Variants in CCDC178 observed in about 807,000 individuals in gnomAD.
The protein encoded by CCDC178 is coiled-coil domain-containing protein 178.
CCDC178 carries 126 observed loss-of-function variants against 117.4 expected under a neutral mutation model. That is an observed-to-expected ratio of 1.07 (90% confidence interval 0.93 to 1.24). CCDC178 has a LOEUF of 1.24. Ranked by LOEUF, CCDC178 falls within the 50% of genes most tolerant of loss-of-function variation. The pLI is 0.00. For missense variants in CCDC178, 1,030 were observed against 986.9 expected (o/e 1.04, Z -0.59); for synonymous variants, 283 against 313.4 (o/e 0.90, Z 1.02).
chr18:32,952,499 A>G (rs1201231336), intron 22 of CCDC178, among the ~76,000 whole-genome samples: 1 of 152,138 alleles, frequency 6.6e-6, no homozygotes, highest in African/African-American at 2.4e-5. Context: ...CAGGTGGGCA[A>G]CAGGACACCA....
At chr18:32,944,601 C>T (rs574596071) in intron 22 of CCDC178, among the ~76,000 whole-genome samples, 9 of 152,110 alleles carry the variant, frequency 5.9e-5, no homozygotes, top group Non-Finnish European at 2.9e-5. Context: ...ACAGCTCTTG[C>T]GTAGGCACCA....
At chr18:33,378,190 T>C (rs10853427) in intron 5 of CCDC178, among the ~76,000 whole-genome samples, 138,846 of 152,172 alleles carry the variant, frequency 0.91, 64,702 homozygotes, top group East Asian at 1. Context: ...TTAGATACTT[T>C]ATTATTTTGT....
At chr18:32,983,277 G>A in intron 21 of CCDC178, 1 of 1,505,690 alleles carries the variant, frequency 6.6e-7, no homozygotes, top group Non-Finnish European at 8.9e-7. Context: ...TTCATCACAG[G>A]TACCTGAAAA....
intron 2 of CCDC178, among the ~76,000 whole-genome samples, chr18:33,427,215 C>T (rs2144954739): frequency 6.6e-6 from 1 of 151,920 alleles, no homozygotes; most frequent in East Asian, 1.9e-4. Flanking sequence ...GACAGAAATG[C>T]CAAAAATGTA....
rs138366356 is a variant in CCDC178 at position 33,080,320 on chromosome 18, G to A, written c.2388+12441C>T. ...GAGAGGAACAGAAAATAGGTACTATGTTTAGTACCGGTGTGACAAAATAAT... is the reference window on the plus strand; with the variant it reads ...GAGAGGAACAGAAAATAGGTACTATATTTAGTACCGGTGTGACAAAATAAT... On this transcript the variant is annotated intron_variant, in intron 21 of 22. Coordinates refer to ENST00000383096, the MANE Select transcript of CCDC178 (RefSeq NM_001105528.4). Among the ~76,000 whole-genome samples the A allele has an allele frequency of 2.4e-3, 364 of 152,240 alleles. 2 individuals are homozygous for A. Among genetic ancestry groups the A allele is most frequent in the Middle Eastern group, 0.017 (5 of 294 alleles).
chr18:33,223,672 A>AT (rs900054080), intron 17 of CCDC178, among the ~76,000 whole-genome samples: 1 of 152,154 alleles, frequency 6.6e-6, no homozygotes, highest in Admixed American at 6.6e-5. Context: ...ATGTAAAACC[A>AT]TGGCTGTTAT....
chr18:33,252,899 T>C (rs1264686338), intron 14 of CCDC178, among the ~76,000 whole-genome samples: 1 of 151,808 alleles, frequency 6.6e-6, no homozygotes, highest in Non-Finnish European at 1.5e-5. Context: ...AGAGCTTGAA[T>C]GTAAGAAAAT....
chr18:32,961,022 T>A (rs192887071), intron 22 of CCDC178, among the ~76,000 whole-genome samples: 4 of 152,228 alleles, frequency 2.6e-5, no homozygotes, highest in Admixed American at 1.3e-4. Context: ...GGTCTATATT[T>A]GGAAATTTTA....
intron 6 of CCDC178, among the ~76,000 whole-genome samples, chr18:33,357,304 T>G (rs1028529783): frequency 6.6e-6 from 1 of 152,108 alleles, no homozygotes; most frequent in Non-Finnish European, 1.5e-5. Flanking sequence ...ACCTCTAAAT[T>G]GATTAAGACC....
intron 10 of CCDC178, among the ~76,000 whole-genome samples, chr18:33,329,674 T>C (rs1439639799): frequency 6.6e-6 from 1 of 152,174 alleles, no homozygotes; most frequent in African/African-American, 2.4e-5. Flanking sequence ...CTTTTTAATA[T>C]GCTGCTAGAT....
At chr18:33,145,298 C>T (rs947562468) in intron 20 of CCDC178, among the ~76,000 whole-genome samples, 19 of 152,044 alleles carry the variant, frequency 1.2e-4, no homozygotes, top group African/African-American at 3.1e-4. Flanking sequence ...TTTTCTCAAA[C>T]GCCTTGTATT....
chr18:32,984,700 A>C (rs926240174), intron 21 of CCDC178, among the ~76,000 whole-genome samples: 12 of 151,990 alleles, frequency 7.9e-5, no homozygotes, highest in African/African-American at 2.9e-4. Flanking sequence ...ATAAAACAAA[A>C]TTATAAAATA....
chr18:33,041,514 A>G (rs551438509), intron 21 of CCDC178, among the ~76,000 whole-genome samples: 3 of 151,234 alleles, frequency 2.0e-5, no homozygotes, highest in African/African-American at 7.2e-5. Flanking sequence ...AGGATTTCAA[A>G]AAAGAACCAA....
At chr18:32,963,735 C>T (rs2054753448) in intron 22 of CCDC178, among the ~76,000 whole-genome samples, 1 of 151,980 alleles carries the variant, frequency 6.6e-6, no homozygotes, top group African/African-American at 2.4e-5. Flanking sequence ...CTTCTTACTG[C>T]CCTCATTTGT....
chr18:33,331,968 G>T (rs1238260797), intron 10 of CCDC178, among the ~76,000 whole-genome samples: 1 of 152,088 alleles, frequency 6.6e-6, no homozygotes, highest in Non-Finnish European at 1.5e-5. Context: ...GCCAGATATT[G>T]GAAACAACTC....
intron 21 of CCDC178, among the ~76,000 whole-genome samples, chr18:32,999,684 A>C (rs990697105): frequency 6.6e-6 from 1 of 152,170 alleles, no homozygotes; most frequent in African/African-American, 2.4e-5. Flanking sequence ...AAAGAGAACA[A>C]GAGTCTCTGC....
intron 12 of CCDC178, among the ~76,000 whole-genome samples, chr18:33,272,618 T>C (rs1293909932): frequency 6.6e-6 from 1 of 151,616 alleles, no homozygotes; most frequent in East Asian, 1.9e-4. Context: ...CAGACTGATA[T>C]CTCTTGTGAA....
intron 2 of CCDC178, among the ~76,000 whole-genome samples, chr18:33,422,331 C>G (rs1178856007): frequency 6.6e-6 from 1 of 151,868 alleles, no homozygotes; most frequent in Admixed American, 6.6e-5. Flanking sequence ...TTGTCTTTAC[C>G]CATTTTCCTT....
chr18:33,086,021 A>G (rs2057373017), intron 21 of CCDC178, among the ~76,000 whole-genome samples: 2 of 152,100 alleles, frequency 1.3e-5, no homozygotes, highest in Non-Finnish European at 1.5e-5. Flanking sequence ...AATCCCACAG[A>G]ATTGAAAATC....
Sources: gnomAD v4.1 joint callset for allele counts (sites outside exome capture counted in the v4.1 genomes callset) on GRCh38, gnomAD v4.1.1 for gene constraint, MANE v1.5 for transcripts, NCBI Gene and HGNC (gene_info 2026-07-23, HGNC 2026-07-21) for gene names.